The following LEPR variants were observed in gnomAD, a reference collection of about 807,000 sequenced individuals.
LEPR encodes OB receptor.
LEPR carries 56 observed loss-of-function variants against 114.7 expected under a neutral mutation model. The ratio of observed to expected loss-of-function variants is 0.49; its 90% CI spans 0.39 to 0.61. The LOEUF is 0.61. LEPR is among the 20% of genes least tolerant of loss of function. LEPR has a pLI of 0.00. For synonymous variants in LEPR, 443 were observed against 461.4 expected, an observed-to-expected ratio of 0.96 and a Z score of 0.51; for missense variants, 1,202 against 1,352.9, an observed-to-expected ratio of 0.89 and a Z score of 1.75.
chr1:65,555,461 C>G (rs796497575), intron 2 of LEPR, among the ~76,000 whole-genome samples: 26 of 152,222 alleles, frequency 1.7e-4, no homozygotes, highest in African/African-American at 6.0e-4. Context: ...ACAGTAGACT[C>G]CCTGTTAATA....
chr1:65,461,920 TC>T (rs1469308027), intron 2 of LEPR, among the ~76,000 whole-genome samples: 1 of 152,168 alleles, frequency 6.6e-6, no homozygotes, highest in Non-Finnish European at 1.5e-5. Context: ...ATCAGGCATC[TC>T]CCAGTTGAAG....
intron 18 of LEPR, 137 bp from the exon 19 acceptor site, chr1:65,622,769 C>A: frequency 1.3e-6 from 1 of 798,214 alleles, no homozygotes; most frequent in Non-Finnish European, 2.0e-6. Context: ...CATGGGCTAG[C>A]ATGTGAAAAT....
At position 65,641,495 on chromosome 1, in the gene LEPR, T is replaced by G. The variant is rs1266548302; in HGVS notation, c.*4480T>G. 1 of 152,234 alleles carries G rather than the reference T, an allele frequency of 6.6e-6. No homozygotes were observed. The highest frequency in any genetic ancestry group is 6.5e-5 in the Admixed American group (1 of 15,290). 9.4% of individuals were successfully genotyped at this position (152,234 alleles called of 1,614,324 possible). A position where few individuals can be genotyped will look rare whatever the true frequency, so the allele number is the denominator to read the frequency against. ...AAGCAGTGTACTTTATGACAGTATA[T>G]TTATCTTTTTATCATTATGAATTAT... On this transcript the variant is annotated 3_prime_UTR_variant, in exon 20 of 20. Coordinates refer to ENST00000349533, the MANE Select transcript of LEPR (RefSeq NM_002303.6).
intron 2 of LEPR, among the ~76,000 whole-genome samples, chr1:65,446,766 A>G (rs1570463942): frequency 6.6e-6 from 1 of 152,046 alleles, no homozygotes; most frequent in Non-Finnish European, 1.5e-5. Flanking sequence ...TAACTGCTAG[A>G]TGATGTGGGA....
chr1:65,498,329 G>T (rs1252312425), intron 2 of LEPR, among the ~76,000 whole-genome samples: 1 of 152,114 alleles, frequency 6.6e-6, no homozygotes, highest in Non-Finnish European at 1.5e-5. Context: ...CTAAATAACT[G>T]CTGAGGGCTT....
chr1:65,594,037 G>C (rs530226330), intron 6 of LEPR, among the ~76,000 whole-genome samples: 1 of 152,072 alleles, frequency 6.6e-6, no homozygotes, highest in Admixed American at 6.6e-5. Flanking sequence ...TTGGGGAAAA[G>C]TATTTCCTTC....
At chr1:65,437,955 G>T (rs115181151) in intron 2 of LEPR, among the ~76,000 whole-genome samples, 1 of 151,772 alleles carries the variant, frequency 6.6e-6, no homozygotes, top group South Asian at 2.1e-4. Context: ...TTACAGGCAC[G>T]GGCCACCGCA....
At chr1:65,437,390 A>G (rs1163237010) in intron 2 of LEPR, among the ~76,000 whole-genome samples, 2 of 152,106 alleles carry the variant, frequency 1.3e-5, no homozygotes, top group East Asian at 3.9e-4. Flanking sequence ...CCATTAACTG[A>G]TGAATGGATA....
intron 2 of LEPR, among the ~76,000 whole-genome samples, chr1:65,453,436 G>T (rs370206707): frequency 0.036 from 5,390 of 151,112 alleles, 141 homozygotes; most frequent in South Asian, 0.087. Flanking sequence ...CATTTCCCTC[G>T]ACGCACTGCT....
chr1:65,632,218 A>G (rs752884131), intron 19 of LEPR, among the ~76,000 whole-genome samples: 152 of 152,278 alleles, frequency 1.0e-3, no homozygotes, highest in Non-Finnish European at 1.8e-3. Flanking sequence ...AAGTTGCTAG[A>G]TGGCCTTCCA....
chr1:65,442,978 A>C (rs1002248364), intron 2 of LEPR, among the ~76,000 whole-genome samples: 20 of 152,206 alleles, frequency 1.3e-4, no homozygotes, highest in Non-Finnish European at 8.8e-5. Context: ...ACCTCATATT[A>C]CAAGGCAGTA....
At chr1:65,635,204 A>G in intron 19 of LEPR, 1 of 963,046 alleles carries the variant, frequency 1.0e-6, no homozygotes, top group Non-Finnish European at 1.2e-6. Flanking sequence ...TTCAAGTTAA[A>G]TGACGTGTAT....
chr1:65,568,894 G>T (rs1228967917), intron 3 of LEPR, among the ~76,000 whole-genome samples: 1 of 152,140 alleles, frequency 6.6e-6, no homozygotes. Flanking sequence ...GTATCTCATT[G>T]TAGTTTTAAT....
chr1:65,513,420 GAAC>G (rs1241358353), intron 2 of LEPR, among the ~76,000 whole-genome samples: 1 of 152,160 alleles, frequency 6.6e-6, no homozygotes, highest in Non-Finnish European at 1.5e-5. Flanking sequence ...CTAAAATTAT[GAAC>G]AAGATACTGA....
At chr1:65,585,386 T>G (rs1425559006) in intron 5 of LEPR, among the ~76,000 whole-genome samples, 5 of 152,084 alleles carry the variant, frequency 3.3e-5, no homozygotes, top group Non-Finnish European at 7.4e-5. Context: ...GAAGCTTTAA[T>G]ATATTCACAT....
intron 2 of LEPR, among the ~76,000 whole-genome samples, chr1:65,544,049 C>T (rs1651449192): frequency 6.6e-6 from 1 of 152,002 alleles, no homozygotes; most frequent in South Asian, 2.1e-4. Context: ...CTATAAATTA[C>T]TTTGGGCAGT....
chr1:65,511,597 C>G (rs2100554057), intron 2 of LEPR, among the ~76,000 whole-genome samples: 1 of 152,238 alleles, frequency 6.6e-6, no homozygotes, highest in South Asian at 2.1e-4. Flanking sequence ...TAACTTGAAA[C>G]TTTTTTTAGA....
At chr1:65,545,348 T>C (rs1651608664) in intron 2 of LEPR, among the ~76,000 whole-genome samples, 1 of 152,054 alleles carries the variant, frequency 6.6e-6, no homozygotes, top group African/African-American at 2.4e-5. Flanking sequence ...GGTCAAATGG[T>C]ATTTCTAGTT....
At chr1:65,516,187 C>T (rs1220120511) in intron 2 of LEPR, among the ~76,000 whole-genome samples, 1 of 152,144 alleles carries the variant, frequency 6.6e-6, no homozygotes, top group Non-Finnish European at 1.5e-5. Context: ...GTAATCTCAG[C>T]ACTTTGGGAG....
Sources: gnomAD v4.1 joint callset for allele counts (sites outside exome capture counted in the v4.1 genomes callset) on GRCh38, gnomAD v4.1.1 for gene constraint, MANE v1.5 for transcripts, NCBI Gene and HGNC (gene_info 2026-07-23, HGNC 2026-07-21) for gene names.